LGI1: variants seen among roughly 807,000 people sequenced by gnomAD.
LGI1 encodes leucine rich glioma inactivated 1, also known as leucine-rich glioma-inactivated protein 1.
Under a neutral mutation model 57.7 loss-of-function variants are expected in LGI1, and 11 were observed. The ratio of observed to expected loss-of-function variants is 0.19; its 90% CI spans 0.12 to 0.32. The LOEUF (loss-of-function observed/expected upper bound fraction) is 0.32, where lower values mean the gene tolerates loss of function less well. Ranked by LOEUF, LGI1 falls within the 10% of genes least tolerant of loss-of-function variation. LGI1 has a pLI of 1.00. For missense variants in LGI1, 422 were observed against 661.9 expected, an observed-to-expected ratio of 0.64 and a Z score of 3.98; for synonymous variants, 222 against 241.9, an observed-to-expected ratio of 0.92 and a Z score of 0.76.
At chr10:93,760,767 A>G (rs879322735) in intron 2 of LGI1, among the ~76,000 whole-genome samples, 8 of 152,186 alleles carry the variant, frequency 5.3e-5, no homozygotes, top group Non-Finnish European at 1.2e-4. Flanking sequence ...AAATAGCCCA[A>G]CCGAGTGTGT....
intron 2 of LGI1, among the ~76,000 whole-genome samples, chr10:93,773,476 G>T (rs2059760350): frequency 6.6e-6 from 1 of 152,126 alleles, no homozygotes; most frequent in African/African-American, 2.4e-5. Context: ...TCACAGAATT[G>T]TCTAAAGACC....
chr10:93,795,800 A>G (rs924766694), intron 7 of LGI1, among the ~76,000 whole-genome samples: 1 of 152,220 alleles, frequency 6.6e-6, no homozygotes, highest in African/African-American at 2.4e-5. Flanking sequence ...CTAAAGTCTC[A>G]TTGTACAGAA....
intron 2 of LGI1, among the ~76,000 whole-genome samples, chr10:93,774,060 G>A (rs1341614088): frequency 6.6e-6 from 1 of 152,158 alleles, no homozygotes; most frequent in African/African-American, 2.4e-5. Context: ...GCTACACGTA[G>A]TTATAGGGAC....
chr10:93,781,450 T>G (rs1013589869), intron 4 of LGI1, among the ~76,000 whole-genome samples: 2 of 152,062 alleles, frequency 1.3e-5, no homozygotes, highest in African/African-American at 4.8e-5. Context: ...CCCTGCAAAT[T>G]AACCCTTAAA....
At chr10:93,761,783 TTAAACA>T (rs2059626331) in intron 2 of LGI1, among the ~76,000 whole-genome samples, 1 of 152,354 alleles carries the variant, frequency 6.6e-6, no homozygotes, top group African/African-American at 2.4e-5. Flanking sequence ...ATTTATGGGT[TTAAACA>T]TAACAATAAA....
chr10:93,767,921 T>A (rs1347207986), intron 2 of LGI1: 1 of 152,206 alleles, frequency 6.6e-6, no homozygotes, highest in Non-Finnish European at 1.5e-5. Flanking sequence ...ATTTTCTAAA[T>A]GGCTAAACAA....
At chr10:93,774,481 C>T (rs1319556742) in intron 2 of LGI1, among the ~76,000 whole-genome samples, 1 of 152,170 alleles carries the variant, frequency 6.6e-6, no homozygotes, top group Non-Finnish European at 1.5e-5. Context: ...GTAATTTTAC[C>T]TACCATGGAT....
chr10:93,765,325 G>A (rs1183037088), intron 2 of LGI1: 1 of 152,136 alleles, frequency 6.6e-6, no homozygotes, highest in Non-Finnish European at 1.5e-5. Flanking sequence ...AATGCTAGTG[G>A]GGTTTGGGGC....
chr10:93,768,858 A>AC (rs1225033403), intron 2 of LGI1: 1 of 152,098 alleles, frequency 6.6e-6, no homozygotes, highest in African/African-American at 2.4e-5. Context: ...TCTCTGGAGT[A>AC]CCCCCAACCC....
At chr10:93,781,439 CCCCTGCAAATTAACCCTTAAAA>C (rs1323744279) in intron 4 of LGI1, among the ~76,000 whole-genome samples, 5 of 152,038 alleles carry the variant, frequency 3.3e-5, no homozygotes, top group African/African-American at 9.7e-5. Context: ...ATCCTCCCCT[CCCCTGCAAATTAACCCTTAAAA>C]CCCTGCAAAT....
At chr10:93,777,069 T>A (rs144692138) in intron 2 of LGI1, 1 of 472,782 alleles carries the variant, frequency 2.1e-6, no homozygotes, top group Non-Finnish European at 3.8e-6. Context: ...GTCATGAAAA[T>A]ATGTAAAATG....
chr10:93,768,091 T>G (rs910717353), intron 2 of LGI1: 2 of 152,220 alleles, frequency 1.3e-5, no homozygotes, highest in Non-Finnish European at 2.9e-5. Flanking sequence ...GAACCCTGAT[T>G]AACTTCTTTA....
intron 5 of LGI1, 41 bp from the exon 6 acceptor site, chr10:93,792,702 G>A: frequency 6.2e-7 from 1 of 1,600,520 alleles, no homozygotes; most frequent in Non-Finnish European, 8.6e-7. Flanking sequence ...TGCGTGGGTA[G>A]GGCCCTTGTA....
chr10:93,758,591 C>A lies in LGI1; in HGVS notation c.216-169C>A, dbSNP rs1432603005. On this transcript the variant is annotated intron_variant, in intron 1 of 7. Coordinates refer to ENST00000371418, the MANE Select transcript of LGI1 (RefSeq NM_005097.4). The surrounding 1 kb of genome is among the most constrained non-coding windows in gnomAD (Gnocchi z 4.7). ...AACATTATCATGAGAAACCTGTAGC[C>A]GATTCATTTCTCTTACTTCATCTGG... 1.3e-5 allele frequency: 9 copies of A among 687,888 alleles called. No homozygotes were observed. Among genetic ancestry groups the A allele is most frequent in the Admixed American group, 1.2e-4 (5 of 42,166 alleles). 42.6% of individuals were successfully genotyped at this position (687,888 alleles called of 1,614,324 possible).
chr10:93,761,684 C>G (rs1404830498), intron 2 of LGI1, among the ~76,000 whole-genome samples: 1 of 151,954 alleles, frequency 6.6e-6, no homozygotes, highest in Non-Finnish European at 1.5e-5. Flanking sequence ...AAACAAAAAC[C>G]CACATTCCGT....
rs185354203 is a variant in LGI1 at position 93,787,110 on chromosome 10, A to G, written c.432-2989A>G. On this transcript the variant is annotated intron_variant, in intron 4 of 7. Transcript: ENST00000371418. ...CATTTCTGAATCTTGCTTCCTCTTG[A>G]GTCTGCTTCTCTTAGTGAATCCAGG... 2.5e-3 allele frequency among the ~76,000 whole-genome samples: 379 copies of G among 152,212 alleles called. 1 individual carries two copies. Among genetic ancestry groups the G allele is most frequent in the African/African-American group, 7.2e-3 (301 of 41,526 alleles).
chr10:93,788,186 G>A (rs898601447), intron 4 of LGI1: 2 of 152,210 alleles, frequency 1.3e-5, no homozygotes, highest in African/African-American at 4.8e-5. Context: ...GAGTGACTCT[G>A]GACTGGTCCA....
rs576965747 is a variant in LGI1, at chr10:93,761,852, C to T, written c.287+3021C>T. ...TTCATGTTTTACATAGGGCCAGTTT[C>T]GAAACATAACCAATGACAACGATTA... On this transcript the variant is annotated intron_variant, in intron 2 of 7. Transcript: ENST00000371418. Among the ~76,000 whole-genome samples, 8 of 151,758 alleles carry T rather than the reference C, an allele frequency of 5.3e-5. No individual in the cohort carries two copies. In the East Asian group the frequency reaches 9.6e-4, roughly 18 times the overall value.
At chr10:93,787,938 G>T (rs2059903964) in intron 4 of LGI1, among the ~76,000 whole-genome samples, 1 of 151,462 alleles carries the variant, frequency 6.6e-6, no homozygotes, top group South Asian at 2.1e-4. Flanking sequence ...ATTCCCCTTG[G>T]ACAGTAAGAC....
Sources: gnomAD v4.1 joint callset for allele counts (sites outside exome capture counted in the v4.1 genomes callset) on GRCh38, gnomAD v4.1.1 for gene constraint, Gnocchi (gnomAD v3.1) non-coding constraint, MANE v1.5 for transcripts, NCBI Gene and HGNC (gene_info 2026-07-23, HGNC 2026-07-21) for gene names.